Variants in CRISP2 observed in about 807,000 individuals in gnomAD.
CRISP2 encodes cysteine-rich secretory protein 2.
A neutral mutation model predicts 31.7 loss-of-function variants in CRISP2; 29 were observed. The observed-to-expected ratio is 0.92, with a 90% CI of 0.68 to 1.25. CRISP2 has a LOEUF of 1.25. Among genes scored for constraint, CRISP2 ranks in the 50% most tolerant of loss-of-function variants. The pLI, the probability that CRISP2 is intolerant of heterozygous loss-of-function variation, is 0.00. For missense variants in CRISP2, 318 were observed against 286.5 expected, an observed-to-expected ratio of 1.11 and a Z score of -0.79; for synonymous variants, 111 against 101.4, an observed-to-expected ratio of 1.09 and a Z score of -0.57.
chr6:49,691,835 A>G (rs897836264), downstream of CRISP2, among the ~76,000 whole-genome samples: 3 of 152,090 alleles, frequency 2.0e-5, no homozygotes. Context: ...AGGATGATTC[A>G]GATAATCTGT....
chr6:49,689,417 T>C (rs1763981355), downstream of CRISP2, among the ~76,000 whole-genome samples: 1 of 152,136 alleles, frequency 6.6e-6, no homozygotes, highest in South Asian at 2.1e-4. Flanking sequence ...GGCACTGAGT[T>C]ATTAATCTAT....
At chr6:49,688,341 G>A (rs1340916265), downstream of CRISP2, among the ~76,000 whole-genome samples, 1 of 152,162 alleles carries the variant, frequency 6.6e-6, no homozygotes, top group East Asian at 1.9e-4. Flanking sequence ...AAGACTTTAA[G>A]ATAAGGATGT....
chr6:49,697,818 C>T (rs1012333725), intron 8 of CRISP2, 42 bp downstream of exon 8: 1 of 1,603,844 alleles, frequency 6.2e-7, no homozygotes, highest in African/African-American at 1.3e-5. Flanking sequence ...AAATAAATTG[C>T]AGATAGAATT....
At chr6:49,695,722 T>C (rs1764619791) in intron 9 of CRISP2, 114 bp downstream of exon 9, 7 of 895,934 alleles carry the variant, frequency 7.8e-6, no homozygotes, top group Non-Finnish European at 1.2e-5. Context: ...TTTTGGGTTT[T>C]TTCACCAATA....
At chr6:49,713,073 C>T (rs1395428816) in intron 1 of CRISP2, among the ~76,000 whole-genome samples, 2 of 151,948 alleles carry the variant, frequency 1.3e-5, no homozygotes, top group Non-Finnish European at 2.9e-5. Flanking sequence ...TCAATGACCC[C>T]AACTCTAATT....
intron 4 of CRISP2, among the ~76,000 whole-genome samples, chr6:49,707,389 C>T (rs75997238): frequency 0.012 from 1,771 of 152,192 alleles, 37 homozygotes; most frequent in African/African-American, 0.041. Flanking sequence ...GTTTTCTAGG[C>T]ATCTTGAAAA....
intron 3 of CRISP2, among the ~76,000 whole-genome samples, chr6:49,710,179 AT>A (rs1767761448): frequency 6.6e-6 from 1 of 152,200 alleles, no homozygotes; most frequent in African/African-American, 2.4e-5. Flanking sequence ...ATAGTGTATC[AT>A]TGATACTTGT....
chr6:49,709,402 A>G (rs1226987804), intron 3 of CRISP2, among the ~76,000 whole-genome samples, 197 bp from the exon 4 acceptor site: 2 of 152,216 alleles, frequency 1.3e-5, no homozygotes, highest in Non-Finnish European at 2.9e-5. Context: ...TGATAGTGAC[A>G]ATAAAGAAAA....
intron 1 of CRISP2, 136 bp downstream of exon 1, chr6:49,713,339 G>A (rs1768371474): frequency 6.6e-6 from 1 of 152,214 alleles, no homozygotes; most frequent in Non-Finnish European, 1.5e-5. Context: ...CCCGGCATTA[G>A]CTATGTGCCC....
At chr6:49,695,966 T>A (rs1307381385) in intron 8 of CRISP2, 42 bp from the exon 9 acceptor site, 6 of 1,332,752 alleles carry the variant, frequency 4.5e-6, no homozygotes, top group Non-Finnish European at 6.4e-6. Context: ...CACTTTACTG[T>A]TTATACTCTA....
intron 6 of CRISP2, 79 bp downstream of exon 6, chr6:49,699,725 T>C (rs1222903268): frequency 9.8e-7 from 1 of 1,017,538 alleles, no homozygotes; most frequent in Admixed American, 2.2e-5. Context: ...CAAAGTCTTC[T>C]TATTATAGAG....
At chr6:49,685,395 G>C in the CRISP2 span, among the ~76,000 whole-genome samples, 1 of 152,092 alleles carries the variant, frequency 6.6e-6, no homozygotes, top group African/African-American at 2.4e-5. Flanking sequence ...TGAAGGCAGG[G>C]ACTCACTTTG....
At chr6:49,702,665 G>C (rs190515085) in intron 4 of CRISP2, among the ~76,000 whole-genome samples, 1 of 151,620 alleles carries the variant, frequency 6.6e-6, no homozygotes. Context: ...TTTTTCTTCT[G>C]ATTTGTTTTA....
chr6:49,686,678 T>A, the CRISP2 span, among the ~76,000 whole-genome samples: 2 of 152,192 alleles, frequency 1.3e-5, no homozygotes, highest in East Asian at 3.9e-4. Flanking sequence ...AGAAATACCA[T>A]TTGACCCAGC....
chr6:49,690,082 A>T (rs1209673204), downstream of CRISP2, among the ~76,000 whole-genome samples: 1 of 152,156 alleles, frequency 6.6e-6, no homozygotes, highest in East Asian at 1.9e-4. Flanking sequence ...TGTAAAATTC[A>T]TATTGTTTGC....
intron 3 of CRISP2, 115 bp downstream of exon 3, chr6:49,711,170 C>CA (rs2127439486): frequency 6.6e-6 from 1 of 150,896 alleles, no homozygotes; most frequent in South Asian, 2.1e-4. Flanking sequence ...AACAGACAAA[C>CA]AAAAAACAAA....
intron 8 of CRISP2, 128 bp from the exon 9 acceptor site, chr6:49,696,052 C>T: frequency 3.7e-6 from 2 of 547,606 alleles, no homozygotes; most frequent in Non-Finnish European, 6.5e-6. Flanking sequence ...TGAAAAATTA[C>T]AATTCCCAAT....
chr6:49,702,686 G>C (rs912440966), intron 4 of CRISP2, among the ~76,000 whole-genome samples: 5 of 151,926 alleles, frequency 3.3e-5, no homozygotes, highest in African/African-American at 1.2e-4. Flanking sequence ...GTTCCTTGTA[G>C]ATTCTGGATA....
At chr6:49,696,587 T>TA (rs199584784) in intron 8 of CRISP2, among the ~76,000 whole-genome samples, 1,015 of 98,274 alleles carry the variant, frequency 0.01, 8 homozygotes, top group African/African-American at 0.027. Context: ...GAACTTAAAG[T>TA]AAAAAAAAAA....
Sources: allele counts gnomAD v4.1 joint callset (sites outside exome capture counted in the v4.1 genomes callset), GRCh38; gene constraint gnomAD v4.1.1; transcripts MANE v1.5; gene names NCBI Gene and HGNC (gene_info 2026-07-23, HGNC 2026-07-21).